Variants in CTIF observed in about 807,000 individuals in gnomAD.
The protein encoded by CTIF is cap binding complex dependent translation initiation factor.
In CTIF, 21 loss-of-function variants were observed where a neutral mutation model predicts 66.0. The ratio of observed to expected loss-of-function variants is 0.32; its 90% CI spans 0.23 to 0.46. CTIF has a LOEUF of 0.46. Ranked by LOEUF, CTIF falls within the 20% of genes least tolerant of loss-of-function variation. CTIF has a pLI of 1.00. For synonymous variants in CTIF, 345 were observed against 326.4 expected, an observed-to-expected ratio of 1.06 and a Z score of -0.62; for missense variants, 739 against 812.7, an observed-to-expected ratio of 0.91 and a Z score of 1.10.
At chr18:48,689,034 A>G (rs1299021087) in intron 6 of CTIF, among the ~76,000 whole-genome samples, 1 of 152,118 alleles carries the variant, frequency 6.6e-6, no homozygotes, top group Non-Finnish European at 1.5e-5. Flanking sequence ...GGGCACAGAG[A>G]GGTGGGGGCA....
chr18:48,631,418 A>G (rs2090710926), intron 2 of CTIF, among the ~76,000 whole-genome samples: 1 of 152,254 alleles, frequency 6.6e-6, no homozygotes, highest in African/African-American at 2.4e-5. Flanking sequence ...GTGAGCCAAG[A>G]TTGTGCCACT....
intron 1 of CTIF, among the ~76,000 whole-genome samples, chr18:48,550,526 AG>A (rs1264521733): frequency 6.6e-6 from 1 of 152,202 alleles, no homozygotes; most frequent in Non-Finnish European, 1.5e-5. Context: ...ACATGCAAAC[AG>A]CCCAGGCCGT....
At chr18:48,798,720 G>T (rs1320902058) in intron 9 of CTIF, among the ~76,000 whole-genome samples, 1 of 152,332 alleles carries the variant, frequency 6.6e-6, no homozygotes, top group East Asian at 1.9e-4. Context: ...CTGAGAAGTT[G>T]TCCCATGGGT....
intron 3 of CTIF, among the ~76,000 whole-genome samples, chr18:48,644,317 T>C (rs1673449062): frequency 6.6e-6 from 1 of 152,112 alleles, no homozygotes; most frequent in Admixed American, 6.6e-5. Flanking sequence ...GCTGTTTGCA[T>C]GGAGGGTAGA....
intron 6 of CTIF, among the ~76,000 whole-genome samples, chr18:48,683,557 T>A (rs1194259480): frequency 1.3e-5 from 2 of 151,788 alleles, no homozygotes; most frequent in Non-Finnish European, 2.9e-5. Flanking sequence ...GAAAGAGCTC[T>A]GATTATTAAA....
intron 1 of CTIF, among the ~76,000 whole-genome samples, chr18:48,548,463 T>C (rs1209485707): frequency 6.6e-6 from 1 of 152,258 alleles, no homozygotes; most frequent in Non-Finnish European, 1.5e-5. Flanking sequence ...TACAGTACCC[T>C]GGGCACTCTC....
intron 3 of CTIF, among the ~76,000 whole-genome samples, chr18:48,658,849 G>C (rs929229577): frequency 1.3e-4 from 20 of 152,160 alleles, no homozygotes; most frequent in African/African-American, 4.1e-4. Flanking sequence ...GGCCACTTGG[G>C]TGCTCAGCCC....
intron 7 of CTIF, among the ~76,000 whole-genome samples, chr18:48,738,018 C>T (rs2092519081): frequency 6.6e-6 from 1 of 152,244 alleles, no homozygotes; most frequent in Non-Finnish European, 1.5e-5. Flanking sequence ...CTCAAAGTTG[C>T]ATTTCCAAAA....
At chr18:48,549,661 T>A (rs2088836848) in intron 1 of CTIF, among the ~76,000 whole-genome samples, 1 of 152,222 alleles carries the variant, frequency 6.6e-6, no homozygotes, top group African/African-American at 2.4e-5. Flanking sequence ...ATTCTCCTTG[T>A]CTGTCTTAAT....
chr18:48,568,776 G>A (rs1420819924), intron 1 of CTIF, among the ~76,000 whole-genome samples: 1 of 151,624 alleles, frequency 6.6e-6, no homozygotes, highest in Non-Finnish European at 1.5e-5. Flanking sequence ...GCAAAAGAGT[G>A]TGTGCAGAGG....
chr18:48,708,766 C>G (rs879886452), intron 6 of CTIF, among the ~76,000 whole-genome samples: 5 of 152,220 alleles, frequency 3.3e-5, no homozygotes, highest in Admixed American at 6.5e-5. Flanking sequence ...TCTCCATCCT[C>G]CCCCAGCACA....
At position 48,658,711 on chromosome 18, in the gene CTIF, C is replaced by A. The variant is rs111876635; in HGVS notation, c.253-5041C>A. Among the ~76,000 whole-genome samples, 619 of 152,170 alleles carry A rather than the reference C, an allele frequency of 4.1e-3. 5 individuals carry two copies. Among genetic ancestry groups the A allele is most frequent in the African/African-American group, 0.014 (597 of 41,506 alleles). The stretch of plus-strand genomic sequence containing the variant: ...TGTGTAGTATTGTGTATATATGTGT[C>A]TGTGGCATATGTACATGTATGCATA... On this transcript the variant is annotated intron_variant, in intron 3 of 11. Coordinates refer to ENST00000256413, the MANE Select transcript of CTIF (RefSeq NM_014772.3).
intron 6 of CTIF, 83 bp downstream of exon 6, chr18:48,670,827 C>A: frequency 8.3e-7 from 1 of 1,208,048 alleles, no homozygotes; most frequent in Non-Finnish European, 1.2e-6. Flanking sequence ...CTAACCAAAG[C>A]ACTCCTTCTG....
intron 1 of CTIF, among the ~76,000 whole-genome samples, chr18:48,561,025 G>T (rs1158324846): frequency 6.6e-6 from 1 of 152,118 alleles, no homozygotes; most frequent in Non-Finnish European, 1.5e-5. Flanking sequence ...GATCACTTGA[G>T]GTCAGGAGTT....
intron 7 of CTIF, among the ~76,000 whole-genome samples, chr18:48,728,831 G>T (rs913039033): frequency 2.0e-5 from 3 of 152,130 alleles, no homozygotes; most frequent in African/African-American, 7.2e-5. Context: ...CATCCCTTCT[G>T]CCATATTCCA....
chr18:48,737,709 T>C (rs141782861), intron 7 of CTIF, among the ~76,000 whole-genome samples: 520 of 152,352 alleles, frequency 3.4e-3, no homozygotes, highest in Non-Finnish European at 6.1e-3. Flanking sequence ...TGCTTACTTA[T>C]ATTAACGATA....
intron 1 of CTIF, among the ~76,000 whole-genome samples, chr18:48,573,095 G>T (rs1054571828): frequency 1.3e-5 from 2 of 152,038 alleles, no homozygotes; most frequent in African/African-American, 4.8e-5. Context: ...TAGCCAACAT[G>T]TGGCTGAAGC....
At chr18:48,631,557 G>C (rs781744887) in intron 2 of CTIF, among the ~76,000 whole-genome samples, 1 of 152,206 alleles carries the variant, frequency 6.6e-6, no homozygotes, top group Non-Finnish European at 1.5e-5. Flanking sequence ...AAATACTTAA[G>C]ATGGACTGAT....
rs369005661 is a variant in CTIF at position 48,573,628 on chromosome 18, G to A, written c.-29+34316G>A. ...TTTGAATCCCTCTAATTAGATGATG[G>A]GGAGTTAATGAAGGCAGGTTTCTGT... On this transcript the variant is annotated intron_variant, in intron 1 of 11. Coordinates refer to ENST00000256413, the MANE Select transcript of CTIF (RefSeq NM_014772.3). 6.6e-4 allele frequency among the ~76,000 whole-genome samples: 100 copies of A among 152,334 alleles called. 3 individuals are homozygous for A. In the South Asian group the frequency reaches 0.016, roughly 24 times the overall value.
Sources: gnomAD v4.1 joint callset for allele counts (sites outside exome capture counted in the v4.1 genomes callset) on GRCh38, gnomAD v4.1.1 for gene constraint, MANE v1.5 for transcripts, NCBI Gene and HGNC (gene_info 2026-07-23, HGNC 2026-07-21) for gene names.